The following EEF1AKMT2 variants were observed in gnomAD, a reference collection of about 807,000 sequenced individuals.
The protein encoded by EEF1AKMT2 is eukaryotic translation elongation factor 1 alpha lysine methyltransferase 2.
In EEF1AKMT2, 32 loss-of-function variants were observed where a neutral mutation model predicts 35.8. The observed-to-expected ratio is 0.89, with a 90% CI of 0.67 to 1.20. EEF1AKMT2 has a LOEUF of 1.20. EEF1AKMT2 is among the 50% of genes most tolerant of loss of function. The pLI is 0.00. For missense variants in EEF1AKMT2, 330 were observed against 347.5 expected (o/e 0.95, Z 0.40); for synonymous variants, 121 against 133.7 (o/e 0.91, Z 0.65).
chr10:124,791,513 A>G (rs1297310009), intron 1 of EEF1AKMT2, among the ~76,000 whole-genome samples: 1 of 152,068 alleles, frequency 6.6e-6, no homozygotes, highest in Non-Finnish European at 1.5e-5. Context: ...TTGGGCTCCA[A>G]TCCCTTGAAA....
chr10:124,779,097 T>C (rs1950513942), intron 3 of EEF1AKMT2, among the ~76,000 whole-genome samples: 1 of 151,638 alleles, frequency 6.6e-6, no homozygotes, highest in Non-Finnish European at 1.5e-5. Context: ...AAAAAAAAAA[T>C]CTAATAAAAA....
chr10:124,771,364 G>C (rs1160259701), intron 4 of EEF1AKMT2, among the ~76,000 whole-genome samples: 1 of 151,670 alleles, frequency 6.6e-6, no homozygotes, highest in Non-Finnish European at 1.5e-5. Flanking sequence ...CTCCCAAGAT[G>C]CTAGGATTAC....
chr10:124,774,298 C>T (rs1238567121), intron 4 of EEF1AKMT2, among the ~76,000 whole-genome samples: 3 of 129,440 alleles, frequency 2.3e-5, no homozygotes, highest in South Asian at 2.6e-4. Context: ...ACCCAGGAGG[C>T]GGAGCTTGCA....
rs1307268083 is a variant in EEF1AKMT2, at chr10:124,759,187, AT to A, written c.*1315del. 3 of 151,622 alleles carry A rather than the reference AT, an allele frequency of 2.0e-5. No individual in the cohort carries two copies. Among genetic ancestry groups the A allele is most frequent in the African/African-American group, 7.2e-5 (3 of 41,454 alleles). The allele number at this position is 151,622 out of a possible 1,614,324, so 9.4% of individuals were successfully genotyped here. On this transcript the variant is annotated 3_prime_UTR_variant, in exon 7 of 7. Transcript: ENST00000368836. Reference sequence around the variant, plus strand: ...AATATTACCACAAATACAAAATGGTATTAAGTATGAATATGACTTATCTTTT... The same window carrying A: ...AATATTACCACAAATACAAAATGGTATAAGTATGAATATGACTTATCTTTT...
intron 2 of EEF1AKMT2, 94 bp from the exon 3 acceptor site, chr10:124,789,251 TTA>T: frequency 1.3e-6 from 1 of 758,586 alleles, no homozygotes; most frequent in Non-Finnish European, 2.1e-6. Context: ...GCTCAAACTC[TTA>T]TTTGAAAGTG....
rs760896853 is a variant in EEF1AKMT2 at position 124,791,731 on chromosome 10, G to A, written c.103C>T (p.Arg35Cys). 11 of 1,585,452 alleles carry A rather than the reference G, an allele frequency of 6.9e-6. No homozygotes were observed. Among genetic ancestry groups the A allele is most frequent in the African/African-American group, 4.0e-5 (3 of 74,346 alleles). The change falls in exon 1 of 7, where the codon CGC becomes TGC. Residue 35 changes from arginine (R) to cysteine (C), a missense_variant. Physicochemically the swap from Arg to Cys is radical, Grantham distance 180. Transcript: ENST00000368836. ...GCCCAGCGTCACACTCACTGCTCGC[G>A]GGTCCCCAGCGCCGACGGGACGAAA... ...DGFVPSALGT[R>C]EHWDAVYERE...
At chr10:124,766,978 G>A (rs1051541607) in intron 4 of EEF1AKMT2, among the ~76,000 whole-genome samples, 2 of 150,962 alleles carry the variant, frequency 1.3e-5, no homozygotes, top group African/African-American at 2.4e-5. Context: ...TGGCTAACAC[G>A]GTGAAATCCT....
At chr10:124,787,654 C>T (rs1950597798) in intron 3 of EEF1AKMT2, among the ~76,000 whole-genome samples, 1 of 150,932 alleles carries the variant, frequency 6.6e-6, no homozygotes, top group South Asian at 2.1e-4. Flanking sequence ...TATGAGGCGA[C>T]AGGATCGCTT....
intron 3 of EEF1AKMT2, among the ~76,000 whole-genome samples, chr10:124,779,304 T>C (rs1297387446): frequency 1.3e-5 from 2 of 152,178 alleles, no homozygotes; most frequent in African/African-American, 2.4e-5. Flanking sequence ...GCTATTTTTC[T>C]GTGTCTTTAG....
chr10:124,781,360 T>C (rs1340666933), intron 3 of EEF1AKMT2, among the ~76,000 whole-genome samples: 3 of 151,400 alleles, frequency 2.0e-5, no homozygotes, highest in Non-Finnish European at 4.4e-5. Flanking sequence ...AGGCAGATCA[T>C]CCGAGGTCAG....
rs543888766 is a variant in EEF1AKMT2, at chr10:124,759,141, T to C, written c.*1362A>G. 21 of 152,232 alleles carry C rather than the reference T, an allele frequency of 1.4e-4. No homozygotes were observed. Among genetic ancestry groups the C allele is most frequent in the Non-Finnish European group, 2.5e-4 (17 of 68,038 alleles). 9.4% of individuals were successfully genotyped at this position (152,232 alleles called of 1,614,324 possible). A position where few individuals can be genotyped will look rare whatever the true frequency, so the allele number is the denominator to read the frequency against. ...ATCATCAAAAAATTATGCAAAAATTTGTATTTAGCTCCAATATTAAAATAT... is the reference window on the plus strand; with the variant it reads ...ATCATCAAAAAATTATGCAAAAATTCGTATTTAGCTCCAATATTAAAATAT... On this transcript the variant is annotated 3_prime_UTR_variant, in exon 7 of 7. Transcript: ENST00000368836.
chr10:124,785,796 T>C (rs898831805), intron 3 of EEF1AKMT2, among the ~76,000 whole-genome samples: 2 of 148,450 alleles, frequency 1.3e-5, no homozygotes, highest in African/African-American at 5.0e-5. Context: ...CTCAGGAGGC[T>C]GAGGCAGGAG....
At chr10:124,783,864 G>T (rs1482019454) in intron 3 of EEF1AKMT2, among the ~76,000 whole-genome samples, 2 of 151,494 alleles carry the variant, frequency 1.3e-5, no homozygotes, top group Non-Finnish European at 2.9e-5. Context: ...CACTCTAGTT[G>T]CCCAGGCTGG....
intron 6 of EEF1AKMT2, among the ~76,000 whole-genome samples, chr10:124,761,526 C>T (rs1395084929): frequency 6.6e-6 from 1 of 152,082 alleles, no homozygotes; most frequent in Non-Finnish European, 1.5e-5. Flanking sequence ...TTCAAAGCAT[C>T]ACAGTATGGT....
chr10:124,768,099 G>C (rs1950395465), intron 4 of EEF1AKMT2, among the ~76,000 whole-genome samples: 1 of 152,224 alleles, frequency 6.6e-6, no homozygotes, highest in African/African-American at 2.4e-5. Flanking sequence ...GAATACTCTA[G>C]GCAGAGGGCA....
chr10:124,773,342 G>C (rs908624358), intron 4 of EEF1AKMT2, among the ~76,000 whole-genome samples: 2 of 152,054 alleles, frequency 1.3e-5, no homozygotes, highest in East Asian at 3.9e-4. Flanking sequence ...GTCTCCCTCT[G>C]TTGTCCAGGC....
At chr10:124,790,624 A>G (rs1246512131) in intron 1 of EEF1AKMT2, among the ~76,000 whole-genome samples, 1 of 152,192 alleles carries the variant, frequency 6.6e-6, no homozygotes, top group African/African-American at 2.4e-5. Context: ...TTGTCCACGT[A>G]TCCCTAAGTC....
At chr10:124,781,845 A>C (rs985405323) in intron 3 of EEF1AKMT2, among the ~76,000 whole-genome samples, 2 of 152,084 alleles carry the variant, frequency 1.3e-5, no homozygotes, top group Admixed American at 6.5e-5. Flanking sequence ...GCATTCCTTA[A>C]AATGTTTGAA....
At chr10:124,791,606 C>A in intron 1 of EEF1AKMT2, 118 bp downstream of exon 1, 1 of 1,428,278 alleles carries the variant, frequency 7.0e-7, no homozygotes, top group Non-Finnish European at 9.4e-7. Context: ...GCCCTGCTCC[C>A]GTCACGCCCC....
Sources: gnomAD v4.1 joint callset for allele counts (sites outside exome capture counted in the v4.1 genomes callset) on GRCh38, gnomAD v4.1.1 for gene constraint, MANE v1.5 for transcripts, NCBI Gene and HGNC (gene_info 2026-07-23, HGNC 2026-07-21) for gene names.